Variants in CDK5RAP2 observed in about 807,000 individuals in gnomAD.
CDK5RAP2 encodes the protein CDK5 regulatory subunit associated protein 2.
CDK5RAP2 carries 147 observed loss-of-function variants against 232.9 expected under a neutral mutation model. The ratio of observed to expected loss-of-function variants is 0.63; its 90% CI spans 0.55 to 0.72. The LOEUF (loss-of-function observed/expected upper bound fraction) is 0.72. Among genes scored for constraint, CDK5RAP2 ranks in the 30% least tolerant of loss-of-function variants. CDK5RAP2 has a pLI of 0.00. For missense variants in CDK5RAP2, 2,195 were observed against 2,231.5 expected (o/e 0.98, Z 0.33); for synonymous variants, 833 against 833.7 (o/e 1.00, Z 0.01).
At position 120,455,997 on chromosome 9, in the gene CDK5RAP2, G is replaced by T. The variant is rs141700186; in HGVS notation, c.2376-2124C>A. ...AAAGACAACAACTTAACAAATGAGA[G>T]AATTCACAATTGAGGAAATAGAAAC... On this transcript the variant is annotated intron_variant, in intron 20 of 37. Transcript: ENST00000349780. Among the ~76,000 whole-genome samples, 336 of 152,108 alleles carry T rather than the reference G, an allele frequency of 2.2e-3. 2 individuals are homozygous for T. The highest frequency in any genetic ancestry group is 7.7e-3 in the African/African-American group (320 of 41,488).
At chr9:120,543,937 ACT>A (rs2041740087) in intron 5 of CDK5RAP2, among the ~76,000 whole-genome samples, 1 of 152,026 alleles carries the variant, frequency 6.6e-6, no homozygotes, top group African/African-American at 2.4e-5. Context: ...TCTTTCCCCA[ACT>A]TGTGTTTATA....
chr9:120,549,155 CAA>C lies in CDK5RAP2; in HGVS notation c.306+1635_306+1636del, dbSNP rs35413563. Among the ~76,000 whole-genome samples, 279 of 133,878 alleles carry C rather than the reference CAA, an allele frequency of 2.1e-3. 1 individual carries two copies. The highest frequency in any genetic ancestry group is 2.0e-3 in the Non-Finnish European group (121 of 61,678). 87.8% of individuals were successfully genotyped at this position (133,878 alleles called of 152,430 possible). ...TGGGCAACAGACGGAGACTCTGTCT[CAA>C]AAAAAAAAAAAAAAAGAGACAGAAA... On this transcript the variant is annotated intron_variant, in intron 4 of 37. Transcript: ENST00000349780.
chr9:120,557,117 C>CA (rs2042257542), intron 3 of CDK5RAP2, among the ~76,000 whole-genome samples: 1 of 152,144 alleles, frequency 6.6e-6, no homozygotes, highest in African/African-American at 2.4e-5. Flanking sequence ...TATGGCAAAG[C>CA]AAAATACGCC....
chr9:120,547,325 C>T (rs953835766), intron 4 of CDK5RAP2, among the ~76,000 whole-genome samples: 1 of 151,812 alleles, frequency 6.6e-6, no homozygotes, highest in African/African-American at 2.4e-5. Flanking sequence ...ATTTCCAGGC[C>T]GGGCGCAGTG....
rs1356910111 is a variant in CDK5RAP2, at chr9:120,523,012, G to A, written c.1092+1974C>T. Among the ~76,000 whole-genome samples the A allele has an allele frequency of 3.3e-5, 5 of 152,218 alleles. No individual in the cohort carries two copies. In the East Asian group the frequency reaches 9.6e-4, roughly 29 times the overall value. ...GAAGACAGACTTGAGTTCAAGTCCTGCAAAAACTCGCTGGTTTGTAAATCT... is the reference window on the plus strand; with the variant it reads ...GAAGACAGACTTGAGTTCAAGTCCTACAAAAACTCGCTGGTTTGTAAATCT... On this transcript the variant is annotated intron_variant, in intron 11 of 37. Coordinates refer to ENST00000349780, the MANE Select transcript of CDK5RAP2 (RefSeq NM_018249.6).
intron 3 of CDK5RAP2, among the ~76,000 whole-genome samples, chr9:120,567,361 T>C (rs983000335): frequency 1.3e-5 from 2 of 152,222 alleles, no homozygotes; most frequent in African/African-American, 2.4e-5. Flanking sequence ...AGCACTGCTC[T>C]GTTCTGTAAA....
At chr9:120,392,432 G>C (rs2032074729) in intron 36 of CDK5RAP2, among the ~76,000 whole-genome samples, 1 of 152,214 alleles carries the variant, frequency 6.6e-6, no homozygotes, top group Non-Finnish European at 1.5e-5. Context: ...CTGGGTTCTA[G>C]TTCTGTCCTT....
At chr9:120,444,375 C>T (rs1187382578) in intron 22 of CDK5RAP2, among the ~76,000 whole-genome samples, 1 of 152,248 alleles carries the variant, frequency 6.6e-6, no homozygotes, top group Non-Finnish European at 1.5e-5. Flanking sequence ...CCCCACAACC[C>T]TGTATTGATT....
At chr9:120,477,560 TGA>T in intron 14 of CDK5RAP2, 110 bp from the exon 15 acceptor site, 1 of 861,212 alleles carries the variant, frequency 1.2e-6, no homozygotes, top group Non-Finnish European at 1.9e-6. Flanking sequence ...CAAACGAAGG[TGA>T]GAGAGGCCCT....
intron 12 of CDK5RAP2, among the ~76,000 whole-genome samples, chr9:120,504,780 C>T (rs967496498): frequency 2.6e-5 from 4 of 152,214 alleles, no homozygotes; most frequent in African/African-American, 7.2e-5. Context: ...ACTTCATTAA[C>T]ATACTTTCAG....
At chr9:120,449,722 C>T (rs576049255) in intron 21 of CDK5RAP2, among the ~76,000 whole-genome samples, 70 of 152,330 alleles carry the variant, frequency 4.6e-4, no homozygotes, top group Non-Finnish European at 7.9e-4. Flanking sequence ...CTGATAGTCA[C>T]TTCTCCAAAG....
chr9:120,412,769 G>C (rs2033928582), intron 28 of CDK5RAP2, among the ~76,000 whole-genome samples: 1 of 152,168 alleles, frequency 6.6e-6, no homozygotes, highest in Admixed American at 6.5e-5. Flanking sequence ...ACTCCTTGTA[G>C]GGAAGGTACG....
chr9:120,542,600 C>T (rs1202352193), intron 5 of CDK5RAP2, among the ~76,000 whole-genome samples: 1 of 151,772 alleles, frequency 6.6e-6, no homozygotes, highest in African/African-American at 2.4e-5. Context: ...CAATTATCTA[C>T]ATACAAAAAT....
chr9:120,441,014 G>T (rs1395299598), intron 23 of CDK5RAP2, among the ~76,000 whole-genome samples: 2 of 152,212 alleles, frequency 1.3e-5, no homozygotes, highest in Non-Finnish European at 2.9e-5. Flanking sequence ...TTCAGAAGTG[G>T]AGTAGTACAG....
intron 4 of CDK5RAP2, among the ~76,000 whole-genome samples, chr9:120,549,973 T>C (rs2132052412): frequency 6.6e-6 from 1 of 152,226 alleles, no homozygotes; most frequent in Non-Finnish European, 1.5e-5. Context: ...TCAAGGAGAG[T>C]TCTTTTTCCT....
At chr9:120,424,664 A>C (rs939663556) in intron 25 of CDK5RAP2, among the ~76,000 whole-genome samples, 1 of 151,796 alleles carries the variant, frequency 6.6e-6, no homozygotes, top group Non-Finnish European at 1.5e-5. Flanking sequence ...CCAGGCAAAC[A>C]AAGTAACATG....
In CDK5RAP2 at chr9:120,422,774, GA is replaced by G. The variant is rs769940396; in HGVS notation, c.3956-34del. The G allele has an allele frequency of 4.6e-5, 73 of 1,573,468 alleles. No homozygotes were observed. The East Asian group carries it at 6.9e-4, about 15-fold the overall frequency. ...CAGAAATAACATCAAGAAAGGAGGA[GA>G]AAAAAATGTTTTTAAGTGTTCCCTA... On this transcript the variant is annotated intron_variant, in intron 25 of 37. Transcript: ENST00000349780.
intron 17 of CDK5RAP2, among the ~76,000 whole-genome samples, chr9:120,469,810 T>C (rs2037589606): frequency 6.6e-6 from 1 of 152,066 alleles, no homozygotes; most frequent in Admixed American, 6.5e-5. Context: ...CGATTTGGAT[T>C]AGGTACAAAA....
intron 1 of CDK5RAP2, among the ~76,000 whole-genome samples, chr9:120,578,275 A>G (rs1455706940): frequency 6.6e-6 from 1 of 152,202 alleles, no homozygotes; most frequent in Non-Finnish European, 1.5e-5. Context: ...CAAAAAAATA[A>G]ATAAATAAAA....
Sources: gnomAD v4.1 joint callset for allele counts (sites outside exome capture counted in the v4.1 genomes callset) on GRCh38, gnomAD v4.1.1 for gene constraint, MANE v1.5 for transcripts, NCBI Gene and HGNC (gene_info 2026-07-23, HGNC 2026-07-21) for gene names.